Variants in KLHL29 observed in about 807,000 individuals in gnomAD.
The protein encoded by KLHL29 is kelch like family member 29.
KLHL29 carries 21 observed loss-of-function variants against 80.4 expected under a neutral mutation model. That is an observed-to-expected ratio of 0.26 (90% CI 0.19 to 0.38). The LOEUF is 0.38. KLHL29 is among the 10% of genes least tolerant of loss of function. The probability of loss-of-function intolerance (pLI) is 1.00; values close to 1 mark genes in which losing one functional copy is unlikely to be tolerated. For missense variants in KLHL29, 867 were observed against 1,223.9 expected (o/e 0.71, Z 4.35); for synonymous variants, 511 against 526.8 (o/e 0.97, Z 0.41).
rs372144576 is a variant in KLHL29 at position 23,706,625 on chromosome 2, C to T, written c.2589C>T (p.His863=). The change falls in exon 14 of 14, where the codon CAC becomes CAT. Residue 863 remains histidine (H), a synonymous_variant. Coordinates refer to ENST00000486442, the MANE Select transcript of KLHL29 (RefSeq NM_052920.2). Reference sequence around the variant, plus strand: ...ACATGCCCTGCCCTGTGTTCAGACACGGCTGCGTCGTGATAAAGAAATATA... The same window carrying T: ...ACATGCCCTGCCCTGTGTTCAGACATGGCTGCGTCGTGATAAAGAAATATA... ...LPHMPCPVFR[H]GCVVIKKYIQ... is the part of the protein sequence containing the mutation. 27 of 1,534,756 alleles carry T rather than the reference C, an allele frequency of 1.8e-5. No homozygotes were observed. The highest frequency in any genetic ancestry group is 1.7e-4 in the Middle Eastern group (1 of 6,004).
rs565193208 is a variant in KLHL29, at chr2:23,395,746, A to G, written c.-154+9966A>G. 1.8e-3 allele frequency among the ~76,000 whole-genome samples: 268 copies of G among 148,382 alleles called. 1 individual carries two copies. The highest frequency in any genetic ancestry group is 2.7e-3 in the Admixed American group (41 of 15,022). Reference sequence around the variant, plus strand: ...GGTGACAGAGTGAGACTCCGTCTCAAAAAAGGAAAGAAAAAAAAAAAAAAG... The same window carrying G: ...GGTGACAGAGTGAGACTCCGTCTCAGAAAAGGAAAGAAAAAAAAAAAAAAG... On this transcript the variant is annotated intron_variant, in intron 1 of 13. Coordinates refer to ENST00000486442, the MANE Select transcript of KLHL29 (RefSeq NM_052920.2).
At chr2:23,542,472 C>T (rs771001376) in intron 2 of KLHL29, among the ~76,000 whole-genome samples, 5 of 152,196 alleles carry the variant, frequency 3.3e-5, no homozygotes, top group African/African-American at 4.8e-5. Context: ...TTCCATGGGG[C>T]ATGTGTGCTC....
chr2:23,522,943 C>T (rs568728633), intron 2 of KLHL29, among the ~76,000 whole-genome samples: 34 of 152,250 alleles, frequency 2.2e-4, no homozygotes, highest in African/African-American at 6.0e-4. Context: ...GCCCTGATTG[C>T]GTTCCCTGTG....
chr2:23,472,219 C>T (rs779517186), intron 1 of KLHL29, among the ~76,000 whole-genome samples: 14 of 152,028 alleles, frequency 9.2e-5, no homozygotes, highest in Non-Finnish European at 1.6e-4. Flanking sequence ...AAATGTTAAC[C>T]GAGAACAGTT....
At chr2:23,586,599 G>A (rs1036663065) in intron 3 of KLHL29, among the ~76,000 whole-genome samples, 3 of 152,010 alleles carry the variant, frequency 2.0e-5, no homozygotes, top group Non-Finnish European at 4.4e-5. Flanking sequence ...GACCTCAGGT[G>A]ATCCGTCCAC....
chr2:23,488,479 C>T (rs943096721), intron 2 of KLHL29, among the ~76,000 whole-genome samples: 10 of 152,270 alleles, frequency 6.6e-5, no homozygotes, highest in South Asian at 2.1e-4. Context: ...TTCCCCATTG[C>T]GGGATTACAG....
At chr2:23,480,220 C>T (rs956167782) in intron 2 of KLHL29, among the ~76,000 whole-genome samples, 1 of 152,236 alleles carries the variant, frequency 6.6e-6, no homozygotes. Flanking sequence ...GCCGTGGTGG[C>T]TCACGCCTGT....
chr2:23,389,475 A>G (rs1666265777), intron 1 of KLHL29, among the ~76,000 whole-genome samples: 1 of 152,162 alleles, frequency 6.6e-6, no homozygotes, highest in African/African-American at 2.4e-5. Context: ...CTAAGTGCCT[A>G]CTTGGGGATA....
intron 2 of KLHL29, among the ~76,000 whole-genome samples, chr2:23,500,239 A>T (rs902856005): frequency 6.6e-6 from 1 of 152,214 alleles, no homozygotes; most frequent in Non-Finnish European, 1.5e-5. Context: ...TAGGGAGTCC[A>T]GGAGGGCTTC....
At chr2:23,658,002 G>A (rs997165922) in intron 5 of KLHL29, among the ~76,000 whole-genome samples, 11 of 152,130 alleles carry the variant, frequency 7.2e-5, no homozygotes, top group African/African-American at 1.7e-4. Context: ...CTGGCTGTGC[G>A]TCTCAGCCCC....
chr2:23,571,559 G>A (rs1667718129), intron 3 of KLHL29, among the ~76,000 whole-genome samples: 1 of 152,206 alleles, frequency 6.6e-6, no homozygotes, highest in East Asian at 1.9e-4. Flanking sequence ...TTAGGAAAGG[G>A]TCATGTGAGG....
At chr2:23,586,548 A>T (rs981823518) in intron 3 of KLHL29, among the ~76,000 whole-genome samples, 1 of 151,542 alleles carries the variant, frequency 6.6e-6, no homozygotes, top group Non-Finnish European at 1.5e-5. Context: ...TTTAGTAGAG[A>T]TGGGGTTTCA....
chr2:23,407,414 T>C (rs1356300971), intron 1 of KLHL29, among the ~76,000 whole-genome samples: 2 of 152,176 alleles, frequency 1.3e-5, no homozygotes, highest in Non-Finnish European at 2.9e-5. Context: ...AGCATTTGTT[T>C]CTGTGTATTG....
chr2:23,590,139 G>C (rs1229338168), intron 3 of KLHL29, among the ~76,000 whole-genome samples: 2 of 152,224 alleles, frequency 1.3e-5, no homozygotes, highest in African/African-American at 4.8e-5. Flanking sequence ...AGCATCTATG[G>C]AAGAGCCAAC....
intron 2 of KLHL29, among the ~76,000 whole-genome samples, chr2:23,481,313 T>C (rs1664791982): frequency 6.6e-6 from 1 of 152,152 alleles, no homozygotes; most frequent in Non-Finnish European, 1.5e-5. Context: ...CATTCCCTCC[T>C]CCGTTTCCTG....
intron 1 of KLHL29, among the ~76,000 whole-genome samples, chr2:23,454,493 C>G (rs1663982306): frequency 1.3e-5 from 2 of 152,186 alleles, no homozygotes; most frequent in South Asian, 4.1e-4. Context: ...CCATTTAAAT[C>G]TGTCTATAAA....
Position 23,684,289 on chromosome 2 carries a change from A to G in KLHL29, c.941-110A>G. The G allele has an allele frequency of 1.3e-6, 1 of 788,522 alleles. No homozygotes were observed. Among genetic ancestry groups the G allele is most frequent in the Non-Finnish European group, 1.8e-6 (1 of 552,702 alleles). 48.8% of individuals were successfully genotyped at this position (788,522 alleles called of 1,614,324 possible). Reference sequence around the variant, plus strand: ...CCAGTCTTGCCAAGAAACAATATCAAGTATTTCCTATTTCTCTACTTCTTG... The same window carrying G: ...CCAGTCTTGCCAAGAAACAATATCAGGTATTTCCTATTTCTCTACTTCTTG... On this transcript the variant is annotated intron_variant, in intron 5 of 13. Transcript: ENST00000486442. The surrounding 1 kb of genome is among the most constrained non-coding windows in gnomAD (Gnocchi z 4.4).
chr2:23,500,373 C>T (rs1371810295), intron 2 of KLHL29, among the ~76,000 whole-genome samples: 1 of 152,116 alleles, frequency 6.6e-6, no homozygotes, highest in Admixed American at 6.5e-5. Context: ...TTAGAATTTC[C>T]ATTTATTTTG....
intron 2 of KLHL29, among the ~76,000 whole-genome samples, chr2:23,557,834 G>A (rs1275618411): frequency 6.6e-6 from 1 of 152,164 alleles, no homozygotes; most frequent in Non-Finnish European, 1.5e-5. Context: ...GGAAGGTAGG[G>A]ACTGATTTAT....
Sources: gnomAD v4.1 joint callset for allele counts (sites outside exome capture counted in the v4.1 genomes callset) on GRCh38, gnomAD v4.1.1 for gene constraint, Gnocchi (gnomAD v3.1) non-coding constraint, MANE v1.5 for transcripts, NCBI Gene and HGNC (gene_info 2026-07-23, HGNC 2026-07-21) for gene names.